ZNF503: variants seen among roughly 807,000 people sequenced by gnomAD.
The protein encoded by ZNF503 is zinc finger protein 503, also known as NocA-like zinc finger 2.
In ZNF503, 15 loss-of-function variants were observed where a neutral mutation model predicts 34.4. That is an observed-to-expected ratio of 0.44 (90% CI 0.29 to 0.67). The LOEUF (loss-of-function observed/expected upper bound fraction) is 0.67, where lower values mean the gene tolerates loss of function less well. ZNF503 is among the 30% of genes least tolerant of loss of function. ZNF503 has a pLI of 0.13. For synonymous variants in ZNF503, 580 were observed against 456.8 expected, an observed-to-expected ratio of 1.27 and a Z score of -3.44; for missense variants, 1,007 against 926.8, an observed-to-expected ratio of 1.09 and a Z score of -1.12.
At position 75,398,938 on chromosome 10, in the gene ZNF503, A is replaced by G; in HGVS notation, c.1752T>C (p.Pro584=). ...HIPTSGAPGS[P]GTLALRSPHH... is the part of the protein sequence containing the mutation. ...GGGGGCTGCGCAGCGCCAGCGTCCC[A>G]GGGCTGCCCGGTGCGCCCGAGGTGG... is the stretch of plus-strand genomic sequence containing the variant. Residue 584 remains proline (P), a synonymous_variant, in exon 2 of 2, where the codon CCT becomes CCC. Coordinates refer to ENST00000372524, the MANE Select transcript of ZNF503 (RefSeq NM_032772.6). 1 of 1,595,524 alleles carries G rather than the reference A, an allele frequency of 6.3e-7. No homozygotes were observed. Among genetic ancestry groups the G allele is most frequent in the Non-Finnish European group, 8.5e-7 (1 of 1,174,320 alleles).
At position 75,401,123 on chromosome 10, in the gene ZNF503, C is replaced by A. The variant is rs759045158; in HGVS notation, c.297G>T (p.Thr99=). ...TCCTTACCTCGATGGGGCTGACCGG[C>A]GTGGAAGGCAGGGGCTGCAGGTACT... The part of the protein sequence containing the change: ...HPEYLQPLPS[T]PVSPIELDAK... The change falls in exon 1 of 2, where the codon ACG becomes ACT. Residue 99 remains threonine (T), a synonymous_variant. Coordinates refer to ENST00000372524, the MANE Select transcript of ZNF503 (RefSeq NM_032772.6). 6.2e-7 allele frequency: 1 copy of A among 1,613,184 alleles called. No homozygotes were observed. Among genetic ancestry groups the A allele is most frequent in the Non-Finnish European group, 8.5e-7 (1 of 1,179,668 alleles).
At chr10:75,354,743 ACTTGAAT>A in the ZNF503 span, among the ~76,000 whole-genome samples, 13 of 152,212 alleles carry the variant, frequency 8.5e-5, no homozygotes, top group African/African-American at 2.6e-4. Context: ...ACAAAAAAAA[ACTTGAAT>A]CTTGAATGAA....
the ZNF503 span, among the ~76,000 whole-genome samples, chr10:75,381,727 T>TATATGTG: frequency 2.0e-5 from 3 of 151,720 alleles, no homozygotes; most frequent in East Asian, 5.8e-4. Flanking sequence ...CAATTGTGTG[T>TATATGTG]ATATGTGTGT....
chr10:75,397,301 C>G (rs905232248), downstream of ZNF503, among the ~76,000 whole-genome samples: 1 of 152,198 alleles, frequency 6.6e-6, no homozygotes, highest in Non-Finnish European at 1.5e-5. Flanking sequence ...GCACTCTCCC[C>G]TAGGGACCAG....
chr10:75,341,492 C>G, the ZNF503 span, among the ~76,000 whole-genome samples: 1 of 152,064 alleles, frequency 6.6e-6, no homozygotes, highest in East Asian at 1.9e-4. Flanking sequence ...TCATTTATGT[C>G]TTTCTCTTCA....
chr10:75,280,363 T>C, the ZNF503 span: 1 of 152,242 alleles, frequency 6.6e-6, no homozygotes, highest in Non-Finnish European at 1.5e-5. Context: ...TCAATCATGG[T>C]TCAGAAGCCT....
the ZNF503 span, among the ~76,000 whole-genome samples, chr10:75,371,700 T>C: frequency 6.6e-6 from 1 of 152,172 alleles, no homozygotes; most frequent in Non-Finnish European, 1.5e-5. Flanking sequence ...GTGAAGTCCA[T>C]TGTATTAAGT....
the ZNF503 span, among the ~76,000 whole-genome samples, chr10:75,293,833 C>G: frequency 3.3e-5 from 5 of 152,256 alleles, no homozygotes; most frequent in Admixed American, 2.0e-4. Flanking sequence ...CTGTAAGCAT[C>G]CTAAGGTGGA....
At chr10:75,376,674 G>C in the ZNF503 span, among the ~76,000 whole-genome samples, 1 of 151,988 alleles carries the variant, frequency 6.6e-6, no homozygotes, top group East Asian at 1.9e-4. Context: ...AAAAAAACCT[G>C]AGACTGGTTT....
chr10:75,330,835 A>G, the ZNF503 span, among the ~76,000 whole-genome samples: 1 of 151,700 alleles, frequency 6.6e-6, no homozygotes, highest in South Asian at 2.1e-4. Context: ...TTTGGCCTTA[A>G]TTTCATTTAT....
At chr10:75,320,222 C>T in the ZNF503 span, among the ~76,000 whole-genome samples, 3 of 152,168 alleles carry the variant, frequency 2.0e-5, no homozygotes, top group Non-Finnish European at 2.9e-5. Flanking sequence ...TGGCTCATGC[C>T]TGTAATCCCA....
At chr10:75,315,359 C>G in the ZNF503 span, among the ~76,000 whole-genome samples, 1 of 151,740 alleles carries the variant, frequency 6.6e-6, no homozygotes, top group African/African-American at 2.4e-5. Flanking sequence ...GACCCTGTCT[C>G]AAAACAAAAA....
At chr10:75,357,342 G>T in the ZNF503 span, among the ~76,000 whole-genome samples, 2 of 144,046 alleles carry the variant, frequency 1.4e-5, no homozygotes, top group African/African-American at 5.3e-5. Context: ...ACATAGTGAG[G>T]CTCCATCTTT....
the ZNF503 span, among the ~76,000 whole-genome samples, chr10:75,355,316 C>G: frequency 8.5e-5 from 13 of 152,146 alleles, no homozygotes; most frequent in African/African-American, 3.1e-4. Context: ...ATAAAAACCT[C>G]CTATTTATTT....
At chr10:75,309,957 T>G in the ZNF503 span, among the ~76,000 whole-genome samples, 1 of 152,246 alleles carries the variant, frequency 6.6e-6, no homozygotes, top group Admixed American at 6.5e-5. Context: ...GTTACTGATT[T>G]TTAGCTTAAT....
At chr10:75,344,661 A>G in the ZNF503 span, among the ~76,000 whole-genome samples, 1 of 152,362 alleles carries the variant, frequency 6.6e-6, no homozygotes, top group South Asian at 2.1e-4. Flanking sequence ...TTCTACCTCT[A>G]GATTTCATTA....
the ZNF503 span, among the ~76,000 whole-genome samples, chr10:75,364,279 T>C: frequency 6.6e-6 from 1 of 152,174 alleles, no homozygotes; most frequent in Non-Finnish European, 1.5e-5. Context: ...TCAACATCTC[T>C]AGGAAGCCTC....
the ZNF503 span, among the ~76,000 whole-genome samples, chr10:75,355,273 C>T: frequency 2.0e-4 from 31 of 152,302 alleles, no homozygotes; most frequent in African/African-American, 7.5e-4. Context: ...AAATCAGAGG[C>T]GACAACCTAC....
the ZNF503 span, among the ~76,000 whole-genome samples, chr10:75,329,036 C>T: frequency 6.6e-5 from 10 of 152,198 alleles, no homozygotes; most frequent in South Asian, 1.2e-3. Context: ...CGTGAGCCAC[C>T]GTGCTCGGCC....
Sources: allele counts gnomAD v4.1 joint callset (sites outside exome capture counted in the v4.1 genomes callset), GRCh38; gene constraint gnomAD v4.1.1; transcripts MANE v1.5; gene names NCBI Gene and HGNC (gene_info 2026-07-23, HGNC 2026-07-21).